PUF60: variants seen among roughly 807,000 people sequenced by gnomAD.
PUF60 encodes the protein poly(U) binding splicing factor 60, also known as poly(U)-binding-splicing factor PUF60.
In PUF60, 10 loss-of-function variants were observed where a neutral mutation model predicts 61.8. The ratio of observed to expected loss-of-function variants is 0.16; its 90% CI spans 0.10 to 0.27. The LOEUF (loss-of-function observed/expected upper bound fraction) is 0.27. PUF60 is among the 10% of genes least tolerant of loss of function. The probability of loss-of-function intolerance (pLI) is 1.00; values close to 1 mark genes in which losing one functional copy is unlikely to be tolerated. For synonymous variants in PUF60, 353 were observed against 300.9 expected (o/e 1.17, Z -1.79); for missense variants, 371 against 754.0 (o/e 0.49, Z 5.95).
chr8:143,827,648 G>A (rs548248971), intron 1 of PUF60: 39 of 348,782 alleles, frequency 1.1e-4, no homozygotes, highest in South Asian at 6.9e-4. Context: ...AAGAGGAATG[G>A]GTTAGACCAC....
intron 2 of PUF60, 71 bp from the exon 3 acceptor site, chr8:143,821,984 C>T: frequency 8.4e-7 from 1 of 1,189,442 alleles, no homozygotes; most frequent in South Asian, 1.5e-5. Context: ...AGGAGGGCCA[C>T]CCCTAGCACA....
chr8:143,823,888 TTTA>T (rs1390491067), intron 2 of PUF60, among the ~76,000 whole-genome samples: 1 of 152,264 alleles, frequency 6.6e-6, no homozygotes, highest in Non-Finnish European at 1.5e-5. Flanking sequence ...GCTTCACTGT[TTTA>T]TTTAAATGAA....
In PUF60 at chr8:143,816,502, C is replaced by A; in HGVS notation, c.*18G>T. On this transcript the variant is annotated 3_prime_UTR_variant, in exon 12 of 12. Transcript: ENST00000526683. Reference sequence around the variant, plus strand: ...AGGAAACAAGGAACAAGTGCAAGTCCGGGGAGAGGGACCACTGTCACGCAG... The same window carrying A: ...AGGAAACAAGGAACAAGTGCAAGTCAGGGGAGAGGGACCACTGTCACGCAG... 1 of 1,592,956 alleles carries A rather than the reference C, an allele frequency of 6.3e-7. No homozygotes were observed. Among genetic ancestry groups the A allele is most frequent in the South Asian group, 1.1e-5 (1 of 87,768 alleles).
intron 1 of PUF60, chr8:143,827,512 T>G (rs1817766609): frequency 4.4e-6 from 2 of 454,122 alleles, no homozygotes; most frequent in Non-Finnish European, 8.9e-6. Flanking sequence ...CAAGTTCAGC[T>G]GCTCCATTCA....
At position 143,817,422 on chromosome 8, in the gene PUF60, A is replaced by C. The variant is rs1373575256; in HGVS notation, c.1053T>G (p.Pro351=). The change falls in exon 10 of 12, where the codon CCT becomes CCG. Residue 351 remains proline, a synonymous_variant. Coordinates refer to ENST00000526683, the MANE Select transcript of PUF60 (RefSeq NM_078480.3). The surrounding 1 kb of genome is among the most constrained non-coding windows in gnomAD (Gnocchi z 7.4). ...GAAVLGTLGT[P]GLVSPALTLA... ...GGGTCAGTGCTGGGGACACCAGTCC[A>C]GGTGTGCCCAGGGTACCCAGCACCG... The C allele has an allele frequency of 6.2e-7, 1 of 1,604,430 alleles. No homozygotes were observed. Among genetic ancestry groups the C allele is most frequent in the Non-Finnish European group, 8.5e-7 (1 of 1,176,904 alleles).
rs369485461 is a variant in PUF60 at position 143,818,318 on chromosome 8, G to A, written c.511-33C>T. Reference sequence around the variant, plus strand: ...CAGGGACACACCTGTCAGGCTGCGCGAGCCCAGGGGTGGGGGCGAGCCCGA... The same window carrying A: ...CAGGGACACACCTGTCAGGCTGCGCAAGCCCAGGGGTGGGGGCGAGCCCGA... On this transcript the variant is annotated intron_variant, in intron 6 of 11. Transcript: ENST00000526683. This position sits in a 1 kb window ranked among gnomAD's most constrained non-coding sequence, Gnocchi z 7.9. The A allele has an allele frequency of 2.4e-5, 38 of 1,607,200 alleles. No homozygotes were observed. Among genetic ancestry groups the A allele is most frequent in the Admixed American group, 5.0e-5 (3 of 59,752 alleles).
intron 1 of PUF60, among the ~76,000 whole-genome samples, chr8:143,826,814 T>C (rs1817682806): frequency 6.6e-6 from 1 of 152,184 alleles, no homozygotes; most frequent in Non-Finnish European, 1.5e-5. Context: ...GGGGACGGCC[T>C]GTCTCCTAGG....
rs1816489353 is a variant in PUF60 at position 143,817,514 on chromosome 8, A to G, written c.1009-48T>C. The G allele has an allele frequency of 1.2e-6, 2 of 1,608,266 alleles. No homozygotes were observed. The highest frequency in any genetic ancestry group is 4.5e-5 in the East Asian group (2 of 44,876). ...GCTCAGTCCCTGGTCTGGCTACTCA[A>G]GACCACCTTGAATCAGTCTCCAAGG... On this transcript the variant is annotated intron_variant, in intron 9 of 11. Coordinates refer to ENST00000526683, the MANE Select transcript of PUF60 (RefSeq NM_078480.3). The surrounding 1 kb of genome is among the most constrained non-coding windows in gnomAD (Gnocchi z 7.4).
intron 1 of PUF60, chr8:143,824,742 T>A: frequency 5.5e-6 from 2 of 361,718 alleles, no homozygotes; most frequent in East Asian, 1.2e-4. Flanking sequence ...ACCGGCTGGG[T>A]GTCCCCCATG....
chr8:143,823,173 CCCT>C (rs1817221318), intron 2 of PUF60: 3 of 159,456 alleles, frequency 1.9e-5, no homozygotes, highest in African/African-American at 7.2e-5. Flanking sequence ...GTCCTAATCA[CCCT>C]CAGCACCAGG....
rs769215716 is a variant in PUF60 at position 143,821,922 on chromosome 8, G to A, written c.112-9C>T. ...TTGATGGAGTCTGTGCCCTGGTAAG[G>A]GAGCAGGGGAATCCATCAGCAGCAA... On this transcript the variant is annotated splice_polypyrimidine_tract_variant and intron_variant, in intron 2 of 11. Transcript: ENST00000526683. 2.0e-5 allele frequency: 32 copies of A among 1,579,868 alleles called. No individual in the cohort carries two copies. In the South Asian group the frequency reaches 3.4e-4, roughly 17 times the overall value.
intron 1 of PUF60, among the ~76,000 whole-genome samples, chr8:143,828,555 G>A (rs1013123196): frequency 6.6e-6 from 1 of 152,202 alleles, no homozygotes; most frequent in Non-Finnish European, 1.5e-5. Flanking sequence ...TCCTCTGGAT[G>A]CCCACGCAGC....
Position 143,818,526 on chromosome 8 carries a change from A to C in PUF60, c.357T>G (p.Ala119=). 1 of 1,594,058 alleles carries C rather than the reference A, an allele frequency of 6.3e-7. No homozygotes were observed. Among genetic ancestry groups the C allele is most frequent in the South Asian group, 1.1e-5 (1 of 88,416 alleles). ...TGATGGCCAGCGCCCGCTGCCGCTG[A>C]GCCGCCATCTGCAGCAGGACAGAGG... The part of the protein sequence containing the change: ...DPLSPLQSMA[A]QRQRALAIMC... The change falls in exon 6 of 12, where the codon GCT becomes GCG. Residue 119 remains alanine, a synonymous_variant. Coordinates refer to ENST00000526683, the MANE Select transcript of PUF60 (RefSeq NM_078480.3). This position sits in a 1 kb window ranked among gnomAD's most constrained non-coding sequence, Gnocchi z 7.9.
At chr8:143,822,291 C>A (rs1298787613) in intron 2 of PUF60, among the ~76,000 whole-genome samples, 2 of 152,186 alleles carry the variant, frequency 1.3e-5, no homozygotes, top group African/African-American at 4.8e-5. Flanking sequence ...TCCTCCAAGG[C>A]AGGAGAAAAG....
At chr8:143,824,583 A>G in intron 1 of PUF60, 184 bp from the exon 2 acceptor site, 1 of 614,618 alleles carries the variant, frequency 1.6e-6, no homozygotes, top group Admixed American at 2.8e-5. Flanking sequence ...ACGCCCAGGG[A>G]CCCAGTCAGA....
chr8:143,829,200 G>A lies in PUF60; in HGVS notation c.24+80C>T, dbSNP rs1281084495. ...TGGGAAGACCGCCGCGTTCTTGGGA[G>A]GCCCTCCGCGCCCAGGCTGGGTCGA... On this transcript the variant is annotated intron_variant, in intron 1 of 11. Coordinates refer to ENST00000526683, the MANE Select transcript of PUF60 (RefSeq NM_078480.3). 11 of 1,230,582 alleles carry A rather than the reference G, an allele frequency of 8.9e-6. No individual in the cohort carries two copies. In the African/African-American group the frequency reaches 1.4e-4, roughly 16 times the overall value. The allele number at this position is 1,230,582 out of a possible 1,614,324, so 76.2% of individuals were successfully genotyped here.
intron 11 of PUF60, 21 bp from the exon 12 acceptor site, chr8:143,816,840 G>GA (rs1816355136): frequency 1.2e-6 from 2 of 1,608,276 alleles, no homozygotes; most frequent in Non-Finnish European, 1.7e-6. Context: ...GGGCCGAGGG[G>GA]AAGACAGCTG....
intron 4 of PUF60, chr8:143,821,238 G>A: frequency 2.1e-6 from 1 of 467,400 alleles, no homozygotes; most frequent in Non-Finnish European, 3.9e-6. Flanking sequence ...GGCCACGGGG[G>A]CAGGGAGGCC....
intron 2 of PUF60, among the ~76,000 whole-genome samples, chr8:143,823,685 G>T (rs959269222): frequency 2.0e-5 from 3 of 151,762 alleles, no homozygotes; most frequent in Admixed American, 6.5e-5. Flanking sequence ...CTCTGGAGGC[G>T]GGCGCTACCA....
Sources: gnomAD v4.1 joint callset for allele counts (sites outside exome capture counted in the v4.1 genomes callset) on GRCh38, gnomAD v4.1.1 for gene constraint, Gnocchi (gnomAD v3.1) non-coding constraint, MANE v1.5 for transcripts, NCBI Gene and HGNC (gene_info 2026-07-23, HGNC 2026-07-21) for gene names.